The following DAB1 variants were observed in gnomAD, a reference collection of about 807,000 sequenced individuals.
DAB1 encodes disabled homolog 1.
A neutral mutation model predicts 64.6 loss-of-function variants in DAB1; 15 were observed. The ratio of observed to expected loss-of-function variants is 0.23; its 90% CI spans 0.16 to 0.36. DAB1 has a LOEUF of 0.36. Ranked by LOEUF, DAB1 falls within the 10% of genes least tolerant of loss-of-function variation. The pLI is 1.00. For missense variants in DAB1, 596 were observed against 706.7 expected (o/e 0.84, Z 1.78); for synonymous variants, 235 against 251.9 (o/e 0.93, Z 0.64).
chr1:57,844,286 G>A (rs568796424), intron 1 of DAB1, among the ~76,000 whole-genome samples: 1 of 152,300 alleles, frequency 6.6e-6, no homozygotes, highest in East Asian at 1.9e-4. Flanking sequence ...CAGGACAGCA[G>A]CCCTGCTTTT....
chr1:58,285,902 C>T (rs1457274275), intron 4 of DAB1, among the ~76,000 whole-genome samples: 2 of 152,198 alleles, frequency 1.3e-5, no homozygotes, highest in Non-Finnish European at 2.9e-5. Context: ...ACCACACTAC[C>T]TGACTTCAAA....
chr1:57,877,329 C>T (rs546117961), intron 1 of DAB1, among the ~76,000 whole-genome samples: 2 of 152,096 alleles, frequency 1.3e-5, no homozygotes, highest in East Asian at 1.9e-4. Context: ...TTGTTGTGGG[C>T]GCCCTGAGTT....
chr1:57,106,300 G>A (rs188602996), intron 4 of DAB1, among the ~76,000 whole-genome samples: 1 of 151,466 alleles, frequency 6.6e-6, no homozygotes, highest in Non-Finnish European at 1.5e-5. Flanking sequence ...TGTTTGGGGG[G>A]AATTTTTAGT....
chr1:57,985,365 A>G (rs1350180747), intron 5 of DAB1, among the ~76,000 whole-genome samples: 2 of 152,180 alleles, frequency 1.3e-5, no homozygotes, highest in South Asian at 4.1e-4. Flanking sequence ...TCTGTATCTT[A>G]GCACCTATCA....
chr1:57,339,664 C>G (rs1235818633), intron 1 of DAB1, among the ~76,000 whole-genome samples: 2 of 152,160 alleles, frequency 1.3e-5, no homozygotes, highest in Non-Finnish European at 2.9e-5. Context: ...AAAAAGTCAC[C>G]TTTTAATCAA....
chr1:58,094,551 C>A (rs1045193443), intron 5 of DAB1, among the ~76,000 whole-genome samples: 1 of 152,224 alleles, frequency 6.6e-6, no homozygotes, highest in Admixed American at 6.5e-5. Context: ...CACCCAGCCT[C>A]TTTAAGTTCT....
At chr1:58,154,017 T>C (rs896183120) in intron 4 of DAB1, among the ~76,000 whole-genome samples, 6 of 151,958 alleles carry the variant, frequency 3.9e-5, no homozygotes, top group African/African-American at 9.7e-5. Context: ...AAATTTCCTA[T>C]GTGCCCTGCC....
intron 9 of DAB1, among the ~76,000 whole-genome samples, chr1:57,050,812 A>T (rs1649110419): frequency 6.6e-6 from 1 of 152,194 alleles, no homozygotes; most frequent in Non-Finnish European, 1.5e-5. Context: ...AGTGAAGAGA[A>T]TGTTGTTTGG....
At chr1:57,884,711 C>A (rs1644197286), upstream of DAB1, among the ~76,000 whole-genome samples, 1 of 152,210 alleles carries the variant, frequency 6.6e-6, no homozygotes, top group African/African-American at 2.4e-5. Context: ...GTCCTCCAAA[C>A]CTCATGTTCA....
intron 4 of DAB1, among the ~76,000 whole-genome samples, chr1:58,301,568 C>T (rs558895428): frequency 1.4e-4 from 22 of 152,166 alleles, no homozygotes; most frequent in African/African-American, 4.3e-4. Context: ...TCTTCCAGTG[C>T]GGCCCAGGGA....
At chr1:57,104,641 C>T (rs1347603451) in intron 4 of DAB1, among the ~76,000 whole-genome samples, 1 of 152,130 alleles carries the variant, frequency 6.6e-6, no homozygotes, top group African/African-American at 2.4e-5. Flanking sequence ...ACGTGTTGCC[C>T]ATCTAGTGTA....
chr1:57,851,686 G>A (rs1653532827), intron 1 of DAB1, among the ~76,000 whole-genome samples: 1 of 152,200 alleles, frequency 6.6e-6, no homozygotes, highest in South Asian at 2.1e-4. Flanking sequence ...GAGTCTTTCT[G>A]AAGATCTGGG....
intron 2 of DAB1, among the ~76,000 whole-genome samples, chr1:57,178,700 G>A (rs1398329484): frequency 6.6e-6 from 1 of 151,980 alleles, no homozygotes; most frequent in Non-Finnish European, 1.5e-5. Context: ...CCTTGATGTG[G>A]GTAGGTGTTT....
intron 3 of DAB1, among the ~76,000 whole-genome samples, chr1:58,394,051 A>T (rs1003559915): frequency 6.6e-6 from 1 of 152,214 alleles, no homozygotes; most frequent in Non-Finnish European, 1.5e-5. Flanking sequence ...CTTGTAACTC[A>T]GTAATAAGAA....
At chr1:57,532,298 T>C (rs184004030) in intron 7 of DAB1, among the ~76,000 whole-genome samples, 278 of 145,994 alleles carry the variant, frequency 1.9e-3, no homozygotes, top group African/African-American at 6.7e-3. Context: ...ACACAACTTC[T>C]TTAATGAAGA....
At chr1:57,523,975 C>G (rs925573916) in intron 7 of DAB1, among the ~76,000 whole-genome samples, 2 of 151,874 alleles carry the variant, frequency 1.3e-5, no homozygotes, top group Admixed American at 6.6e-5. Flanking sequence ...AAAATGAGTT[C>G]TATAAATGAA....
chr1:57,809,685 T>C (rs2101882741), intron 6 of DAB1, among the ~76,000 whole-genome samples: 1 of 152,290 alleles, frequency 6.6e-6, no homozygotes, highest in South Asian at 2.1e-4. Flanking sequence ...CACTATGAGT[T>C]GCAGATGGGT....
chr1:57,702,188 G>A (rs1646915827), intron 6 of DAB1, among the ~76,000 whole-genome samples: 1 of 151,998 alleles, frequency 6.6e-6, no homozygotes, highest in African/African-American at 2.4e-5. Context: ...CTGTCTGCTT[G>A]GAGTTTTTTC....
At chr1:58,422,496 A>G (rs906905898) in intron 3 of DAB1, among the ~76,000 whole-genome samples, 1 of 152,024 alleles carries the variant, frequency 6.6e-6, no homozygotes, top group African/African-American at 2.4e-5. Context: ...AGGCCCCAAG[A>G]GAGCTGCTGT....
Sources: allele counts gnomAD v4.1 joint callset (sites outside exome capture counted in the v4.1 genomes callset), GRCh38; gene constraint gnomAD v4.1.1; transcripts MANE v1.5; gene names NCBI Gene and HGNC (gene_info 2026-07-23, HGNC 2026-07-21).